Variants in KCNK10 observed in about 807,000 individuals in gnomAD.
KCNK10 encodes potassium channel subfamily K member 10.
KCNK10 carries 25 observed loss-of-function variants against 47.7 expected under a neutral mutation model. The observed-to-expected ratio is 0.52, with a 90% CI of 0.38 to 0.73. KCNK10 has a LOEUF of 0.73. Among genes scored for constraint, KCNK10 ranks in the 30% least tolerant of loss-of-function variants. The pLI, the probability that KCNK10 is intolerant of heterozygous loss-of-function variation, is 0.00. For synonymous variants in KCNK10, 303 were observed against 285.6 expected (o/e 1.06, Z -0.61); for missense variants, 563 against 714.5 (o/e 0.79, Z 2.42).
At chr14:88,211,066 C>A (rs1375889367) in intron 4 of KCNK10, among the ~76,000 whole-genome samples, 1 of 152,102 alleles carries the variant, frequency 6.6e-6, no homozygotes, top group African/African-American at 2.4e-5. Flanking sequence ...ATGTTCATAG[C>A]AGCATTATTC....
At chr14:88,278,435 T>C (rs1887575609) in intron 1 of KCNK10, among the ~76,000 whole-genome samples, 1 of 152,200 alleles carries the variant, frequency 6.6e-6, no homozygotes, top group Admixed American at 6.5e-5. Context: ...TATAAAATTG[T>C]GGGACACTAT....
At position 88,185,746 on chromosome 14, in the gene KCNK10, A is replaced by C. The variant is rs1437533925; in HGVS notation, c.1421T>G (p.Val474Gly). 2.5e-6 allele frequency: 4 copies of C among 1,613,820 alleles called. No homozygotes were observed. ...CCGGAAGGTCTTGTAGATTTTCTGA[A>C]CGTCCTCGGGCAAGGTCTTTTTGAG... ...KDLKKTLPEDVQKIYKTFRNY... is the reference protein window; with the variant it reads ...KDLKKTLPEDGQKIYKTFRNY... Residue 474 changes from valine to glycine, a missense_variant, in exon 7 of 7, where the codon GTT becomes GGT. Transcript: ENST00000319231. The surrounding 1 kb of genome is among the most constrained non-coding windows in gnomAD (Gnocchi z 4.3).
rs1361275743 is a variant in KCNK10 at position 88,245,404 on chromosome 14, G to GT, written c.403-4585_403-4584insA. On this transcript the variant is annotated intron_variant, in intron 2 of 6. Transcript: ENST00000319231. ...CTGCAACCTCTCACAAAGTGAGGCG[G>GT]GTCTGTAGCTGATGCGCTTAGAAAG... is the stretch of plus-strand genomic sequence containing the variant. Among the ~76,000 whole-genome samples, 194 of 152,206 alleles carry GT rather than the reference G, an allele frequency of 1.3e-3. 1 individual carries two copies. The highest frequency in any genetic ancestry group is 4.6e-3 in the African/African-American group (191 of 41,530).
chr14:88,183,383 C>T lies in KCNK10; in HGVS notation c.*2152G>A, dbSNP rs559875475. On this transcript the variant is annotated 3_prime_UTR_variant, in exon 7 of 7. Transcript: ENST00000319231. ...AATTTTAACACACTGCTACAAAGAA[C>T]GTACCAGATAACACAGAGTGGAAAC... 8 of 152,490 alleles carry T rather than the reference C, an allele frequency of 5.2e-5. No individual in the cohort carries two copies. The highest frequency in any genetic ancestry group is 1.4e-4 in the African/African-American group (6 of 41,590). The allele number at this position is 152,490 out of a possible 1,614,324, so 9.4% of individuals were successfully genotyped here. A position where few individuals can be genotyped will look rare whatever the true frequency, so the allele number is the denominator to read the frequency against.
intron 4 of KCNK10, among the ~76,000 whole-genome samples, chr14:88,222,228 T>G (rs1885837393): frequency 1.3e-5 from 2 of 152,142 alleles, no homozygotes; most frequent in South Asian, 4.1e-4. Flanking sequence ...CAGGAAAGAC[T>G]GGCCCCCATG....
At chr14:88,271,485 G>A (rs56230807) in intron 1 of KCNK10, among the ~76,000 whole-genome samples, 12,251 of 152,154 alleles carry the variant, frequency 0.081, 1,201 homozygotes, top group African/African-American at 0.24. Context: ...TTGTACAAGC[G>A]CTAGAGTGGA....
At chr14:88,309,484 C>T (rs1888267685) in intron 1 of KCNK10, among the ~76,000 whole-genome samples, 2 of 152,124 alleles carry the variant, frequency 1.3e-5, no homozygotes, top group Admixed American at 1.3e-4. Flanking sequence ...TGCCTATAGT[C>T]CCAGCTACTC....
chr14:88,296,361 T>C (rs1004990185), intron 1 of KCNK10, among the ~76,000 whole-genome samples: 3 of 152,210 alleles, frequency 2.0e-5, no homozygotes, highest in African/African-American at 7.2e-5. Flanking sequence ...ATATTGATGA[T>C]CAATGAATAC....
At chr14:88,273,979 T>C (rs1887468997) in intron 1 of KCNK10, among the ~76,000 whole-genome samples, 2 of 152,122 alleles carry the variant, frequency 1.3e-5, no homozygotes, top group Non-Finnish European at 1.5e-5. Context: ...TCCTTCCAGA[T>C]GTCTTTCCCA....
chr14:88,247,030 G>A (rs1886663140), intron 2 of KCNK10, among the ~76,000 whole-genome samples: 2 of 152,212 alleles, frequency 1.3e-5, no homozygotes, highest in Admixed American at 6.5e-5. Context: ...TCATGACACT[G>A]AGAATGGTAA....
rs543288059 is a variant in KCNK10 at position 88,290,556 on chromosome 14, C to T, written c.53-27005G>A. Reference sequence around the variant, plus strand: ...ACATGAATGCCCTCACTAAGCCTCACCGCAGACCAGGATGGAGGTTCTACT... The same window carrying T: ...ACATGAATGCCCTCACTAAGCCTCATCGCAGACCAGGATGGAGGTTCTACT... On this transcript the variant is annotated intron_variant, in intron 1 of 6. Coordinates refer to ENST00000319231, the MANE Select transcript of KCNK10 (RefSeq NM_138317.3). Among the ~76,000 whole-genome samples the T allele has an allele frequency of 1.1e-3, 161 of 152,166 alleles. 3 individuals carry two copies. The highest frequency in any genetic ancestry group is 4.3e-4 in the Non-Finnish European group (29 of 68,046).
chr14:88,253,899 G>A (rs575702950), intron 2 of KCNK10, among the ~76,000 whole-genome samples: 3 of 152,128 alleles, frequency 2.0e-5, no homozygotes, highest in South Asian at 4.1e-4. Flanking sequence ...CGCCATCTTG[G>A]GGGCAGAGAG....
intron 3 of KCNK10, among the ~76,000 whole-genome samples, chr14:88,234,584 C>A (rs113724541): frequency 1.3e-5 from 2 of 152,156 alleles, no homozygotes; most frequent in Non-Finnish European, 2.9e-5. Flanking sequence ...CATAGCTGGG[C>A]TTCAGAGAGC....
chr14:88,280,220 C>T (rs1047192220), intron 1 of KCNK10, among the ~76,000 whole-genome samples: 1 of 152,146 alleles, frequency 6.6e-6, no homozygotes, highest in African/African-American at 2.4e-5. Context: ...ATCACTTGTC[C>T]TCTCAGCAAT....
chr14:88,298,147 T>C (rs147175981), intron 1 of KCNK10, among the ~76,000 whole-genome samples: 2 of 152,306 alleles, frequency 1.3e-5, no homozygotes, highest in East Asian at 3.9e-4. Flanking sequence ...ACCTATTTTA[T>C]GTATAAAAAT....
chr14:88,199,829 C>T (rs1885042940), intron 4 of KCNK10, among the ~76,000 whole-genome samples: 1 of 152,166 alleles, frequency 6.6e-6, no homozygotes, highest in East Asian at 1.9e-4. Context: ...TTTCTGTGAC[C>T]TTATTTATCT....
intron 3 of KCNK10, chr14:88,235,479 A>T (rs1267372514): frequency 4.0e-6 from 1 of 252,754 alleles, no homozygotes; most frequent in African/African-American, 2.2e-5. Context: ...CAAAAAGTAG[A>T]AATTCAAGAA....
In KCNK10 at chr14:88,211,558, C is replaced by T. The variant is rs771954391; in HGVS notation, c.681+15817G>A. Among the ~76,000 whole-genome samples the T allele has an allele frequency of 2.6e-5, 4 of 152,248 alleles. No homozygotes were observed. In the South Asian group the frequency reaches 8.3e-4, roughly 32 times the overall value. ...AAAAGGCATAAAGAAAATCTTGAAG[C>T]AGGCTCTAAAGTATCCTACCAACTC... is the stretch of plus-strand genomic sequence containing the variant. On this transcript the variant is annotated intron_variant, in intron 4 of 6. Transcript: ENST00000319231.
chr14:88,281,628 CCTGGGTCGCCAGCTTG>C (rs1887650806), intron 1 of KCNK10, among the ~76,000 whole-genome samples: 1 of 152,018 alleles, frequency 6.6e-6, no homozygotes, highest in Non-Finnish European at 1.5e-5. Flanking sequence ...TATCAGCTCT[CCTGGGTCGCCAGCTTG>C]CTGACTCACC....
Sources: allele counts gnomAD v4.1 joint callset (sites outside exome capture counted in the v4.1 genomes callset), GRCh38; gene constraint gnomAD v4.1.1; non-coding constraint Gnocchi (gnomAD v3.1); transcripts MANE v1.5; gene names NCBI Gene and HGNC (gene_info 2026-07-23, HGNC 2026-07-21).